The following CAMK2D variants were observed in gnomAD, a reference collection of about 807,000 sequenced individuals.
CAMK2D encodes calcium/calmodulin-dependent protein kinase type II subunit delta.
In CAMK2D, 37 loss-of-function variants were observed where a neutral mutation model predicts 84.0. The ratio of observed to expected loss-of-function variants is 0.44; its 90% CI spans 0.34 to 0.58. CAMK2D has a LOEUF of 0.58. Ranked by LOEUF, CAMK2D falls within the 20% of genes least tolerant of loss-of-function variation. The pLI is 0.02. For missense variants in CAMK2D, 448 were observed against 652.5 expected, an observed-to-expected ratio of 0.69 and a Z score of 3.41; for synonymous variants, 202 against 212.5, an observed-to-expected ratio of 0.95 and a Z score of 0.43.
intron 2 of CAMK2D, among the ~76,000 whole-genome samples, chr4:113,672,025 G>C (rs528945413): frequency 6.6e-6 from 1 of 152,126 alleles, no homozygotes; most frequent in African/African-American, 2.4e-5. Flanking sequence ...AAGTGTGGAT[G>C]CATGTTCCTT....
intron 16 of CAMK2D, among the ~76,000 whole-genome samples, chr4:113,479,661 G>A (rs1167225745): frequency 6.6e-6 from 1 of 152,142 alleles, no homozygotes; most frequent in Non-Finnish European, 1.5e-5. Context: ...TTCTGCACTT[G>A]GGCAGCTTTA....
chr4:113,648,363 A>T (rs375766431), intron 3 of CAMK2D, among the ~76,000 whole-genome samples: 9 of 152,222 alleles, frequency 5.9e-5, no homozygotes, highest in East Asian at 3.8e-4. Context: ...CATTTTCATC[A>T]TTCTGTCTAT....
chr4:113,754,060 A>T, intron 2 of CAMK2D: 1 of 872,104 alleles, frequency 1.1e-6, no homozygotes, highest in South Asian at 5.3e-5. Context: ...AAGACATGTG[A>T]ATATGCTTAA....
intron 4 of CAMK2D, among the ~76,000 whole-genome samples, chr4:113,555,777 G>A (rs942168411): frequency 2.6e-5 from 4 of 151,966 alleles, no homozygotes; most frequent in African/African-American, 9.7e-5. Flanking sequence ...CTGGATATCT[G>A]TGCCCCCTCC....
chr4:113,609,458 C>T (rs578118301), intron 3 of CAMK2D, among the ~76,000 whole-genome samples: 5 of 152,122 alleles, frequency 3.3e-5, no homozygotes, highest in South Asian at 4.2e-4. Flanking sequence ...ATATTAGTAC[C>T]TATGCTTTAT....
At chr4:113,578,553 G>A (rs923461287) in intron 4 of CAMK2D, among the ~76,000 whole-genome samples, 1 of 152,164 alleles carries the variant, frequency 6.6e-6, no homozygotes, top group East Asian at 1.9e-4. Flanking sequence ...AAATGTTTCA[G>A]CTAGTTTTGC....
In CAMK2D at chr4:113,537,453, GA is replaced by G; in HGVS notation, c.415-11del. The G allele has an allele frequency of 6.6e-7, 1 of 1,513,152 alleles. No individual in the cohort carries two copies. Among genetic ancestry groups the G allele is most frequent in the Non-Finnish European group, 9.1e-7 (1 of 1,100,840 alleles). 93.7% of individuals were successfully genotyped at this position (1,513,152 alleles called of 1,614,324 possible). On this transcript the variant is annotated splice_polypyrimidine_tract_variant and intron_variant, in intron 6 of 20. Coordinates refer to ENST00000511664, the MANE Select transcript of CAMK2D (RefSeq NM_001321571.2). ...AAAGCAAATTCTCAGGCTTTATTTA[GA>G]AAGAAAAAAAAAGAGACTGAAGTGA...
chr4:113,482,345 C>T (rs1417288463), intron 16 of CAMK2D, among the ~76,000 whole-genome samples: 5 of 151,938 alleles, frequency 3.3e-5, no homozygotes, highest in African/African-American at 9.7e-5. Context: ...ATAAGCAAAA[C>T]TAAGGAGACA....
intron 4 of CAMK2D, among the ~76,000 whole-genome samples, chr4:113,573,379 C>T (rs75271513): frequency 0.042 from 6,319 of 152,252 alleles, 170 homozygotes; most frequent in South Asian, 0.081. Flanking sequence ...TTTGATTTTC[C>T]TGAGCATTTT....
intron 18 of CAMK2D, 40 bp downstream of exon 18, chr4:113,460,107 G>A (rs780627146): frequency 1.7e-5 from 20 of 1,192,034 alleles, no homozygotes; most frequent in Non-Finnish European, 2.4e-5. Flanking sequence ...ATTCAGAGAG[G>A]TTTAAAAAGG....
At chr4:113,664,716 A>C (rs879545772) in intron 2 of CAMK2D, among the ~76,000 whole-genome samples, 1 of 152,108 alleles carries the variant, frequency 6.6e-6, no homozygotes, top group Admixed American at 6.6e-5. Context: ...AGAAAAAAAA[A>C]CCTAGGCTGG....
At chr4:113,600,291 G>A (rs1374777928) in intron 4 of CAMK2D, among the ~76,000 whole-genome samples, 8 of 152,052 alleles carry the variant, frequency 5.3e-5, no homozygotes. Context: ...TGGACTCTAG[G>A]TGATAATCAT....
intron 3 of CAMK2D, among the ~76,000 whole-genome samples, chr4:113,623,037 A>G (rs2099052856): frequency 6.6e-6 from 1 of 152,166 alleles, no homozygotes; most frequent in Non-Finnish European, 1.5e-5. Flanking sequence ...CATGGCCCAC[A>G]AAGCCTAAAA....
intron 2 of CAMK2D, among the ~76,000 whole-genome samples, chr4:113,697,011 A>G (rs929937658): frequency 6.6e-6 from 1 of 152,094 alleles, no homozygotes; most frequent in African/African-American, 2.4e-5. Flanking sequence ...AAAGAAGCAC[A>G]ATGTCCCTCA....
intron 16 of CAMK2D, 65 bp downstream of exon 16, chr4:113,500,398 C>T (rs1356980964): frequency 2.1e-6 from 2 of 949,136 alleles, no homozygotes; most frequent in South Asian, 1.7e-5. Flanking sequence ...ATTTGAAGCA[C>T]TTTTTTTTTC....
Position 113,544,012 on chromosome 4 carries a change from C to T in CAMK2D, c.414+3632G>A, listed in dbSNP as rs916373992. On this transcript the variant is annotated intron_variant, in intron 6 of 20. Transcript: ENST00000511664. ...TTCACCATGTTAGCCGGGATGGTCT[C>T]GATCTCCTGACCTCATGATCCACCC... Among the ~76,000 whole-genome samples, 7 of 151,990 alleles carry T rather than the reference C, an allele frequency of 4.6e-5. No homozygotes were observed. The East Asian group carries it at 7.7e-4, about 17-fold the overall frequency.
At chr4:113,543,854 C>T (rs1466509350) in intron 6 of CAMK2D, among the ~76,000 whole-genome samples, 5 of 151,922 alleles carry the variant, frequency 3.3e-5, no homozygotes, top group Middle Eastern at 3.4e-3. Context: ...TGCAGTGGGG[C>T]GATCTCTGCT....
chr4:113,542,056 A>G (rs2098533698), intron 6 of CAMK2D, among the ~76,000 whole-genome samples: 1 of 152,204 alleles, frequency 6.6e-6, no homozygotes, highest in African/African-American at 2.4e-5. Context: ...GAGCAAGTTC[A>G]TAAGAATCCT....
intron 4 of CAMK2D, among the ~76,000 whole-genome samples, chr4:113,568,330 T>C (rs2098735544): frequency 1.3e-5 from 2 of 152,208 alleles, no homozygotes; most frequent in Admixed American, 1.3e-4. Flanking sequence ...CATTCAATAT[T>C]TGTGCTTTTG....
Sources: allele counts gnomAD v4.1 joint callset (sites outside exome capture counted in the v4.1 genomes callset), GRCh38; gene constraint gnomAD v4.1.1; transcripts MANE v1.5; gene names NCBI Gene and HGNC (gene_info 2026-07-23, HGNC 2026-07-21).